ARRB2: variants seen among roughly 807,000 people sequenced by gnomAD.
ARRB2 encodes the protein arrestin beta 2, also known as beta-arrestin-2.
ARRB2 carries 21 observed loss-of-function variants against 53.4 expected under a neutral mutation model. The ratio of observed to expected loss-of-function variants is 0.39; its 90% CI spans 0.28 to 0.57. The LOEUF (loss-of-function observed/expected upper bound fraction) is 0.57. Ranked by LOEUF, ARRB2 falls within the 20% of genes least tolerant of loss-of-function variation. The probability of loss-of-function intolerance (pLI) is 0.55; values close to 1 mark genes in which losing one functional copy is unlikely to be tolerated. For synonymous variants in ARRB2, 180 were observed against 212.9 expected (o/e 0.85, Z 1.34); for missense variants, 369 against 527.5 (o/e 0.70, Z 2.94).
In ARRB2 at chr17:4,717,135, C is replaced by T. The variant is rs189303546; in HGVS notation, c.358-82C>T. 1.1e-4 allele frequency: 158 copies of T among 1,495,212 alleles called. No homozygotes were observed. The African/African-American group carries it at 2.1e-3, about 20-fold the overall frequency. 92.6% of individuals were successfully genotyped at this position (1,495,212 alleles called of 1,614,324 possible). ...AGGCATGAGCCACCACACCCAGCGT[C>T]TCCAGCCTCTTAGGTTGAGATTTGG... On this transcript the variant is annotated intron_variant, in intron 5 of 14. Coordinates refer to ENST00000269260, the MANE Select transcript of ARRB2 (RefSeq NM_004313.4). This position sits in a 1 kb window ranked among gnomAD's most constrained non-coding sequence, Gnocchi z 6.0.
At position 4,721,246 on chromosome 17, in the gene ARRB2, G is replaced by T. The variant is rs373327828; in HGVS notation, c.*207G>T. 152 of 541,042 alleles carry T rather than the reference G, an allele frequency of 2.8e-4. No homozygotes were observed. The South Asian group carries it at 3.8e-3, about 14-fold the overall frequency. 33.5% of individuals were successfully genotyped at this position (541,042 alleles called of 1,614,324 possible). On this transcript the variant is annotated 3_prime_UTR_variant, in exon 15 of 15. Transcript: ENST00000269260. The surrounding 1 kb of genome is among the most constrained non-coding windows in gnomAD (Gnocchi z 4.2). ...TGCTGAATGTGGGCATTAATTTTTT[G>T]ACTGCAGCTCTGCTTCTCCAGCCCC...
chr17:4,716,524 G>GGCCCCCCCCCCC lies in ARRB2; in HGVS notation c.273_274insGCCCCCCCCCCC (p.Val91_Pro92insAlaProProPro). 1.9e-6 allele frequency: 3 copies of GGCCCCCCCCCCC among 1,599,170 alleles called. No individual in the cohort carries two copies. Among genetic ancestry groups the GGCCCCCCCCCCC allele is most frequent in the East Asian group, 4.5e-5 (2 of 44,020 alleles). ...CCACCTACCAGGCCTTCCCCCCGGT[G>GGCCCCCCCCCCC]CCCAACCCACCCCGGCCCCCCACCC... is the stretch of plus-strand genomic sequence containing the variant. On this transcript the variant is annotated inframe_insertion, in exon 5 of 15. Coordinates refer to ENST00000269260, the MANE Select transcript of ARRB2 (RefSeq NM_004313.4).
At chr17:4,715,490 CACACACACATACACACAT>C (rs1597477789) in intron 2 of ARRB2, 6 of 162,096 alleles carry the variant, frequency 3.7e-5, no homozygotes, top group Middle Eastern at 1.9e-3. Flanking sequence ...CACACAGACA[CACACACACATACACACAT>C]ACACACACAC....
chr17:4,718,102 A>T lies in ARRB2; in HGVS notation c.621+79A>T, dbSNP rs953494639. On this transcript the variant is annotated intron_variant, in intron 8 of 14. Transcript: ENST00000269260. ...AGGGGCGAAGCCACACATCAAGAGG[A>T]CATTTGTAAAGGAGGTTGCCTTGGC... The T allele has an allele frequency of 3.8e-6, 6 of 1,592,920 alleles. No homozygotes were observed. The African/African-American group carries it at 8.1e-5, about 21-fold the overall frequency.
Position 4,721,025 on chromosome 17 carries a change from G to A in ARRB2, c.1216G>A (p.Asp406Asn). 6.2e-7 allele frequency: 1 copy of A among 1,613,186 alleles called. No homozygotes were observed. The highest frequency in any genetic ancestry group is 8.5e-7 in the Non-Finnish European group (1 of 1,179,250). ...GGGGATGAAGGATGACGACTATGAT[G>A]ATCAACTCTGCTAGGAAGCGGGGTG... ...LKGMKDDDYD[D>N]QLC The change falls in exon 15 of 15, where the codon GAT (aspartate) becomes AAT (asparagine). Residue 406 changes from aspartate to asparagine, a missense_variant. By Grantham distance (23) the Asp-to-Asn change is conservative (BLOSUM62 1). Coordinates refer to ENST00000269260, the MANE Select transcript of ARRB2 (RefSeq NM_004313.4). The surrounding 1 kb of genome is among the most constrained non-coding windows in gnomAD (Gnocchi z 4.2).
intron 13 of ARRB2, 37 bp from the exon 14 acceptor site, chr17:4,720,549 G>T: frequency 6.4e-7 from 1 of 1,572,562 alleles, no homozygotes; most frequent in Non-Finnish European, 8.6e-7. Context: ...GGCCCTTCCA[G>T]CACCCACCCC....
chr17:4,717,246 A>G lies in ARRB2; in HGVS notation c.387A>G (p.Thr129=), dbSNP rs1258111357. 6.2e-7 allele frequency: 1 copy of G among 1,614,052 alleles called. No homozygotes were observed. The highest frequency in any genetic ancestry group is 8.5e-7 in the Non-Finnish European group (1 of 1,179,962). Residue 129 remains threonine, a synonymous_variant, in exon 6 of 15, where the codon ACA becomes ACG. Coordinates refer to ENST00000269260, the MANE Select transcript of ARRB2 (RefSeq NM_004313.4). The surrounding 1 kb of genome is among the most constrained non-coding windows in gnomAD (Gnocchi z 6.0). The part of the protein sequence containing the change: ...TIPQNLPCSV[T]LQPGPEDTGK... ...CCCAGAATCTTCCATGCTCCGTCAC[A>G]CTGCAGCCAGGCCCAGAGGATACAG...
At chr17:4,719,119 G>A (rs542361518) in intron 10 of ARRB2, among the ~76,000 whole-genome samples, 164 bp from the exon 11 acceptor site, 1 of 152,192 alleles carries the variant, frequency 6.6e-6, no homozygotes, top group African/African-American at 2.4e-5. Context: ...CAGGCTCCAG[G>A]CTGTTAATTT....
At chr17:4,711,239 G>A (rs1024409833) in intron 1 of ARRB2, among the ~76,000 whole-genome samples, 2 of 152,064 alleles carry the variant, frequency 1.3e-5, no homozygotes, top group Non-Finnish European at 2.9e-5. Flanking sequence ...CCCTTGGGTT[G>A]CCAGGAGCAA....
intron 11 of ARRB2, 26 bp downstream of exon 11, chr17:4,719,446 C>T (rs1430000116): frequency 1.2e-6 from 2 of 1,610,930 alleles, no homozygotes; most frequent in Admixed American, 1.7e-5. Flanking sequence ...GGGCGGGTCC[C>T]CTGCAGGCCA....
rs762595946 is a variant in ARRB2 at position 4,718,571 on chromosome 17, G to A, written c.707-41G>A. 3.8e-6 allele frequency: 6 copies of A among 1,598,176 alleles called. No homozygotes were observed. The African/African-American group carries it at 6.7e-5, about 18-fold the overall frequency. On this transcript the variant is annotated intron_variant, in intron 9 of 14. Transcript: ENST00000269260. ...TGGAGTTGTGGTGTGGTGGTGGCTT[G>A]TGCTCCATCCAGAGCTGCCTGACCC...
intron 13 of ARRB2, 32 bp downstream of exon 13, chr17:4,720,504 G>A (rs1011806021): frequency 6.3e-7 from 1 of 1,597,504 alleles, no homozygotes; most frequent in Admixed American, 1.7e-5. Context: ...AGCCCTCAGA[G>A]GGAGGGCCTG....
intron 10 of ARRB2, among the ~76,000 whole-genome samples, chr17:4,719,039 G>T (rs995005585): frequency 6.6e-6 from 1 of 152,206 alleles, no homozygotes; most frequent in African/African-American, 2.4e-5. Context: ...CTCTCAAAGT[G>T]CTGGGATTAC....
intron 2 of ARRB2, chr17:4,715,717 A>G (rs1262933968): frequency 2.2e-6 from 1 of 459,268 alleles, no homozygotes; most frequent in Admixed American, 3.8e-5. Context: ...ACACACACAC[A>G]CACACACAAA....
Position 4,717,306 on chromosome 17 carries a change from A to T in ARRB2, c.417+30A>T. 3 of 1,611,986 alleles carry T rather than the reference A, an allele frequency of 1.9e-6. No homozygotes were observed. Among genetic ancestry groups the T allele is most frequent in the Non-Finnish European group, 2.5e-6 (3 of 1,178,088 alleles). ...GGGAGGAACAGCTCTGAGGGCTCCT[A>T]GGGCAGGACATGGGCCAGCAGGAGC... On this transcript the variant is annotated intron_variant, in intron 6 of 14. Coordinates refer to ENST00000269260, the MANE Select transcript of ARRB2 (RefSeq NM_004313.4). This position sits in a 1 kb window ranked among gnomAD's most constrained non-coding sequence, Gnocchi z 6.0.
chr17:4,713,570 G>T (rs1042679469), intron 1 of ARRB2, among the ~76,000 whole-genome samples: 2 of 151,986 alleles, frequency 1.3e-5, no homozygotes, highest in African/African-American at 4.8e-5. Flanking sequence ...GGCAGAGGTC[G>T]CAGTGAGCCG....
chr17:4,721,252 A>T lies in ARRB2; in HGVS notation c.*213A>T. The T allele has an allele frequency of 3.8e-6, 2 of 530,900 alleles. No individual in the cohort carries two copies. Among genetic ancestry groups the T allele is most frequent in the South Asian group, 5.5e-5 (2 of 36,102 alleles). 32.9% of individuals were successfully genotyped at this position (530,900 alleles called of 1,614,324 possible). On this transcript the variant is annotated 3_prime_UTR_variant, in exon 15 of 15. Coordinates refer to ENST00000269260, the MANE Select transcript of ARRB2 (RefSeq NM_004313.4). This position sits in a 1 kb window ranked among gnomAD's most constrained non-coding sequence, Gnocchi z 4.2. ...ATGTGGGCATTAATTTTTTGACTGC[A>T]GCTCTGCTTCTCCAGCCCCGCCGTG...
intron 2 of ARRB2, chr17:4,715,476 C>CACACACAG: frequency 1.6e-5 from 4 of 246,024 alleles, no homozygotes; most frequent in South Asian, 4.5e-5. Context: ...TCCAAACACA[C>CACACACAG]ACACACACAG....
rs921966680 is a variant in ARRB2 at position 4,718,243 on chromosome 17, AC to A, written c.622-13del. The A allele has an allele frequency of 6.2e-7, 1 of 1,604,332 alleles. No homozygotes were observed. Among genetic ancestry groups the A allele is most frequent in the Non-Finnish European group, 8.5e-7 (1 of 1,174,536 alleles). On this transcript the variant is annotated splice_polypyrimidine_tract_variant and intron_variant, in intron 8 of 14. Transcript: ENST00000269260. ...GTGAAAACCAGTTCCAATTCACATG[AC>A]CCCCTCCCCCCAAAAGCTGTACTAC...
Sources: gnomAD v4.1 joint callset for allele counts (sites outside exome capture counted in the v4.1 genomes callset) on GRCh38, gnomAD v4.1.1 for gene constraint, Gnocchi (gnomAD v3.1) non-coding constraint, MANE v1.5 for transcripts, NCBI Gene and HGNC (gene_info 2026-07-23, HGNC 2026-07-21) for gene names.